The following C8orf74 variants were observed in gnomAD, a reference collection of about 807,000 sequenced individuals.
C8orf74 encodes the protein uncharacterized protein C8orf74.
C8orf74 carries 29 observed loss-of-function variants against 22.2 expected under a neutral mutation model. That is an observed-to-expected ratio of 1.31 (90% CI 0.97 to 1.78). The LOEUF is 1.78. C8orf74 is among the 40% of genes most tolerant of loss of function. The probability of loss-of-function intolerance (pLI) is 0.00; values close to 1 mark genes in which losing one functional copy is unlikely to be tolerated. For missense variants in C8orf74, 515 were observed against 369.9 expected (o/e 1.39, Z -3.22); for synonymous variants, 255 against 163.1 (o/e 1.56, Z -4.30).
At chr8:10,681,961 C>A (rs1437843055) in intron 2 of C8orf74, among the ~76,000 whole-genome samples, 1 of 152,222 alleles carries the variant, frequency 6.6e-6, no homozygotes, top group Non-Finnish European at 1.5e-5. Flanking sequence ...CCCACAGCAG[C>A]CTTGGCGGGC....
intron 2 of C8orf74, among the ~76,000 whole-genome samples, chr8:10,677,979 C>T (rs1435443961): frequency 6.6e-6 from 1 of 152,226 alleles, no homozygotes; most frequent in African/African-American, 2.4e-5. Context: ...CCTTTCCTTC[C>T]TCCTGAAATC....
At chr8:10,694,353 A>T (rs922353720) in intron 2 of C8orf74, among the ~76,000 whole-genome samples, 5 of 152,206 alleles carry the variant, frequency 3.3e-5, no homozygotes, top group Non-Finnish European at 5.9e-5. Context: ...AAAGTATCTG[A>T]GACAGGTCTC....
At chr8:10,673,520 T>A (rs1223000035) in intron 1 of C8orf74, 1 of 152,572 alleles carries the variant, frequency 6.6e-6, no homozygotes, top group Admixed American at 6.5e-5. Context: ...AATTTCATTG[T>A]CAGATCAATG....
chr8:10,683,076 G>T (rs1799185996), intron 2 of C8orf74, among the ~76,000 whole-genome samples: 1 of 152,212 alleles, frequency 6.6e-6, no homozygotes, highest in Non-Finnish European at 1.5e-5. Context: ...CTCATCCAGG[G>T]GTGCAGGAAG....
At chr8:10,683,900 A>G (rs1799207293) in intron 2 of C8orf74, among the ~76,000 whole-genome samples, 1 of 152,170 alleles carries the variant, frequency 6.6e-6, no homozygotes, top group Non-Finnish European at 1.5e-5. Flanking sequence ...TGTTGCACTG[A>G]AAGCTGCCTC....
chr8:10,697,906 G>A lies in C8orf74; in HGVS notation c.549G>A (p.Leu183=), dbSNP rs371279029. The change falls in exon 3 of 4, where the codon CTG becomes CTA. Residue 183 remains leucine, a synonymous_variant. Coordinates refer to ENST00000304519, the MANE Select transcript of C8orf74 (RefSeq NM_001040032.2). ...AGGCACAGAAGCGCGCCGACGTGCT[G>A]CTCCTGAAAGAGGCGCTGCGCCTGG... ...EAEAQKRADV[L]LLKEALRLER... 7 of 1,606,188 alleles carry A rather than the reference G, an allele frequency of 4.4e-6. No homozygotes were observed. In the Admixed American group the frequency reaches 1.0e-4, roughly 23 times the overall value.
At chr8:10,683,117 C>A (rs1217593324) in intron 2 of C8orf74, among the ~76,000 whole-genome samples, 1 of 152,228 alleles carries the variant, frequency 6.6e-6, no homozygotes, top group Non-Finnish European at 1.5e-5. Flanking sequence ...AGGAGACCCC[C>A]ATGGCGAGTG....
At chr8:10,699,156 A>G (rs1413370441) in intron 3 of C8orf74, among the ~76,000 whole-genome samples, 1 of 152,218 alleles carries the variant, frequency 6.6e-6, no homozygotes, top group Non-Finnish European at 1.5e-5. Flanking sequence ...GCATGGCCAC[A>G]GTGGCCCCTA....
At position 10,700,373 on chromosome 8, in the gene C8orf74, A is replaced by AAAACCCCCC; in HGVS notation, c.787_788insAAACCCCCC (p.Thr263delinsLysThrProPro). On this transcript the variant is annotated protein_altering_variant, in exon 4 of 4. Coordinates refer to ENST00000304519, the MANE Select transcript of C8orf74 (RefSeq NM_001040032.2). ...GAAGACTCTGAACCTCAACGCCCCC[A>AAAACCCCCC]CCCCTATCCCGCCCCCCATCACCAG... is the stretch of plus-strand genomic sequence containing the variant. 1 of 755,324 alleles carries AAAACCCCCC rather than the reference A, an allele frequency of 1.3e-6. No homozygotes were observed. The highest frequency in any genetic ancestry group is 2.1e-6 in the Non-Finnish European group (1 of 480,356). The allele number at this position is 755,324 out of a possible 1,614,324, so 46.8% of individuals were successfully genotyped here.
chr8:10,686,977 G>A (rs1444684968), intron 2 of C8orf74: 3 of 411,602 alleles, frequency 7.3e-6, no homozygotes, highest in African/African-American at 4.1e-5. Context: ...CCCACCATAG[G>A]TGAGTAGAAT....
Position 10,678,760 on chromosome 8 carries a change from C to T in C8orf74, c.241+3922C>T, listed in dbSNP as rs1021344899. On this transcript the variant is annotated intron_variant, in intron 2 of 3. Transcript: ENST00000304519. ...GCTGCAGTGGGGAGAGAGTAGGCAG[C>T]GGAGTGCAGCCGCAGCACCCCAGGG... 3.3e-5 allele frequency among the ~76,000 whole-genome samples: 5 copies of T among 152,152 alleles called. No homozygotes were observed. In the South Asian group the frequency reaches 8.3e-4, roughly 25 times the overall value.
intron 2 of C8orf74, among the ~76,000 whole-genome samples, chr8:10,675,319 G>C (rs1434324431): frequency 6.6e-6 from 1 of 152,246 alleles, no homozygotes; most frequent in African/African-American, 2.4e-5. Flanking sequence ...CCCTGGCCCT[G>C]TGCAGGGCTT....
rs771087866 is a variant in C8orf74 at position 10,674,624 on chromosome 8, G to A, written c.49-22G>A. 13 of 1,584,894 alleles carry A rather than the reference G, an allele frequency of 8.2e-6. No homozygotes were observed. The East Asian group carries it at 2.7e-4, about 33-fold the overall frequency. On this transcript the variant is annotated intron_variant, in intron 1 of 3. Transcript: ENST00000304519. ...TGCAACCCCCACATCATACCCTGCA[G>A]TTCCCATGTCATTCCCTGCAGAGAC...
rs147047803 is a variant in C8orf74 at position 10,697,753 on chromosome 8, C to A, written c.396C>A (p.Asp132Glu). 2 of 1,613,960 alleles carry A rather than the reference C, an allele frequency of 1.2e-6. No homozygotes were observed. The highest frequency in any genetic ancestry group is 1.7e-6 in the Non-Finnish European group (2 of 1,179,912). ...TCTACCAGTATGTCCTGGGCCAGGA[C>A]CAGCAGGTCGACCTGACCGTTGCCC... The part of the protein sequence containing the change: ...YKLYQYVLGQ[D>E]QQVDLTVAHL... Residue 132 changes from aspartate (D) to glutamate (E), a missense_variant, in exon 3 of 4, where the codon GAC becomes GAA. Physicochemically the swap from Asp to Glu is conservative, Grantham distance 45. Coordinates refer to ENST00000304519, the MANE Select transcript of C8orf74 (RefSeq NM_001040032.2).
At chr8:10,686,996 A>C (rs183307315) in intron 2 of C8orf74, 1 of 422,292 alleles carries the variant, frequency 2.4e-6, no homozygotes, top group African/African-American at 2.1e-5. Flanking sequence ...ATCACCAGGC[A>C]ACCGCCAAGA....
chr8:10,695,974 G>T (rs554158684), intron 2 of C8orf74, among the ~76,000 whole-genome samples: 5 of 152,294 alleles, frequency 3.3e-5, no homozygotes, highest in Admixed American at 1.3e-4. Context: ...AGCAGAAGAG[G>T]CTTGGCCAAG....
At position 10,697,761 on chromosome 8, in the gene C8orf74, T is replaced by C; in HGVS notation, c.404T>C (p.Val135Ala). 1 of 1,614,024 alleles carries C rather than the reference T, an allele frequency of 6.2e-7. No individual in the cohort carries two copies. Among genetic ancestry groups the C allele is most frequent in the East Asian group, 2.2e-5 (1 of 44,868 alleles). The change falls in exon 3 of 4, where the codon GTC becomes GCC. Residue 135 changes from valine (V) to alanine (A), a missense_variant. Transcript: ENST00000304519. ...YQYVLGQDQQ[V>A]DLTVAHLEVC... Reference sequence around the variant, plus strand: ...TATGTCCTGGGCCAGGACCAGCAGGTCGACCTGACCGTTGCCCACCTGGAG... The same window carrying C: ...TATGTCCTGGGCCAGGACCAGCAGGCCGACCTGACCGTTGCCCACCTGGAG...
chr8:10,694,610 G>C (rs1214885970), intron 2 of C8orf74, among the ~76,000 whole-genome samples: 1 of 152,230 alleles, frequency 6.6e-6, no homozygotes, highest in Non-Finnish European at 1.5e-5. Context: ...ACATAGAGTA[G>C]CTACCTGTGG....
At chr8:10,693,474 A>G (rs946087584) in intron 2 of C8orf74, among the ~76,000 whole-genome samples, 7 of 152,290 alleles carry the variant, frequency 4.6e-5, no homozygotes, top group South Asian at 2.1e-4. Context: ...AAAGCCCCCA[A>G]TAAGTATTTG....
Sources: allele counts gnomAD v4.1 joint callset (sites outside exome capture counted in the v4.1 genomes callset), GRCh38; gene constraint gnomAD v4.1.1; transcripts MANE v1.5; gene names NCBI Gene and HGNC (gene_info 2026-07-23, HGNC 2026-07-21).